FGD4: variants seen among roughly 807,000 people sequenced by gnomAD.
FGD4 encodes the protein FYVE, RhoGEF and PH domain-containing protein 4.
Under a neutral mutation model 102.0 loss-of-function variants are expected in FGD4, and 42 were observed. The ratio of observed to expected loss-of-function variants is 0.41; its 90% CI spans 0.32 to 0.53. FGD4 has a LOEUF of 0.53. FGD4 is among the 20% of genes least tolerant of loss of function. The probability of loss-of-function intolerance (pLI) is 0.21; values close to 1 mark genes in which losing one functional copy is unlikely to be tolerated. For synonymous variants in FGD4, 380 were observed against 375.7 expected (o/e 1.01, Z -0.13); for missense variants, 902 against 1,078.2 (o/e 0.84, Z 2.29).
chr12:32,433,089 C>T lies in FGD4; in HGVS notation c.166+33130C>T, dbSNP rs146105618. Among the ~76,000 whole-genome samples, 525 of 152,088 alleles carry T rather than the reference C, an allele frequency of 3.5e-3. 8 individuals carry two copies. Among genetic ancestry groups the T allele is most frequent in the African/African-American group, 0.012 (490 of 41,482 alleles). On this transcript the variant is annotated intron_variant, in intron 1 of 16. Coordinates refer to ENST00000534526, the MANE Select transcript of FGD4 (RefSeq NM_001370298.3). ...TTACCTCACTGCAACCTCCACCTCCCTGGTTCAAGCAATTCTCATGCCTCA... is the reference window on the plus strand; with the variant it reads ...TTACCTCACTGCAACCTCCACCTCCTTGGTTCAAGCAATTCTCATGCCTCA...
chr12:32,449,954 A>T (rs921908560), intron 1 of FGD4, among the ~76,000 whole-genome samples: 1 of 151,190 alleles, frequency 6.6e-6, no homozygotes, highest in African/African-American at 2.4e-5. Flanking sequence ...TTTTTTTGAG[A>T]TGGAGTCTTG....
intron 1 of FGD4, among the ~76,000 whole-genome samples, chr12:32,491,151 C>CAAA (rs879482771): frequency 7.7e-6 from 1 of 129,428 alleles, no homozygotes; most frequent in Non-Finnish European, 1.6e-5. Flanking sequence ...AAAAAAAAAA[C>CAAA]AAAAAACTAT....
At chr12:32,422,134 A>G (rs1220743167) in intron 1 of FGD4, among the ~76,000 whole-genome samples, 1 of 143,566 alleles carries the variant, frequency 7.0e-6, no homozygotes, top group Non-Finnish European at 1.5e-5. Context: ...ACAGAATGAG[A>G]CTCTGTCTCA....
chr12:32,439,191 C>T (rs2088806), intron 1 of FGD4, among the ~76,000 whole-genome samples: 60,327 of 152,046 alleles, frequency 0.4, 12,596 homozygotes, highest in African/African-American at 0.51. Flanking sequence ...TTAACTTTTA[C>T]AGATTCCACA....
intron 1 of FGD4, among the ~76,000 whole-genome samples, chr12:32,443,349 T>C (rs1186910009): frequency 1.3e-5 from 2 of 152,006 alleles, no homozygotes; most frequent in African/African-American, 4.8e-5. Context: ...CCTGGTTTTT[T>C]TGGTTTATTG....
intron 11 of FGD4, among the ~76,000 whole-genome samples, chr12:32,620,214 T>C (rs1949724458): frequency 6.6e-6 from 1 of 152,236 alleles, no homozygotes; most frequent in Non-Finnish European, 1.5e-5. Flanking sequence ...CTCCTTTTGG[T>C]CCACAAATGT....
At chr12:32,420,116 A>AG (rs774430382) in intron 1 of FGD4, among the ~76,000 whole-genome samples, 4 of 152,060 alleles carry the variant, frequency 2.6e-5, no homozygotes, top group Non-Finnish European at 4.4e-5. Flanking sequence ...CCTGGGGGTG[A>AG]GGGGGGTGAC....
chr12:32,640,709 C>T lies in FGD4; in HGVS notation c.*176C>T. On this transcript the variant is annotated 3_prime_UTR_variant, in exon 17 of 17. Coordinates refer to ENST00000534526, the MANE Select transcript of FGD4 (RefSeq NM_001370298.3). ...TCTTAGTGAAATTAGTGTGCAGAGT[C>T]ATTCTACCGATAAAGTTTTGAAATA... The T allele has an allele frequency of 1.2e-6, 1 of 851,870 alleles. No individual in the cohort carries two copies. The highest frequency in any genetic ancestry group is 1.8e-6 in the Non-Finnish European group (1 of 558,066). The allele number at this position is 851,870 out of a possible 1,614,324, so 52.8% of individuals were successfully genotyped here.
intron 1 of FGD4, among the ~76,000 whole-genome samples, chr12:32,513,323 G>A (rs939820925): frequency 1.9e-4 from 29 of 152,208 alleles, no homozygotes. Flanking sequence ...TTTAACTAGA[G>A]TGTTGGGATT....
chr12:32,423,591 C>CAAAAAAA (rs35872227), intron 1 of FGD4, among the ~76,000 whole-genome samples: 2 of 72,890 alleles, frequency 2.7e-5, no homozygotes, highest in Admixed American at 1.4e-4. Flanking sequence ...GACTTCATCT[C>CAAAAAAA]AAAAAAAAAA....
chr12:32,519,161 C>G (rs1474414127), intron 1 of FGD4, among the ~76,000 whole-genome samples: 1 of 150,976 alleles, frequency 6.6e-6, no homozygotes, highest in Non-Finnish European at 1.5e-5. Context: ...ACCGCCGCCC[C>G]CACCATGTGC....
chr12:32,638,767 T>C lies in FGD4; in HGVS notation c.2426T>C (p.Leu809Pro). ...TGTGTGATCCCCAAGCAAGACCCTC[T>C]TGTGCTGTACATGTATGGTGCCCCC... ...AWCVIPKQDP[L>P]VLYMYGAPQD... Residue 809 changes from leucine to proline, a missense_variant, in exon 16 of 17, where the codon CTT (leucine) becomes CCT (proline). Coordinates refer to ENST00000534526, the MANE Select transcript of FGD4 (RefSeq NM_001370298.3). 3 of 1,614,200 alleles carry C rather than the reference T, an allele frequency of 1.9e-6. No homozygotes were observed. The highest frequency in any genetic ancestry group is 2.5e-6 in the Non-Finnish European group (3 of 1,180,026).
chr12:32,445,198 G>A (rs933989788), intron 1 of FGD4, among the ~76,000 whole-genome samples: 5 of 152,196 alleles, frequency 3.3e-5, no homozygotes, highest in African/African-American at 1.2e-4. Flanking sequence ...AGAAGTAGGT[G>A]CCTAGTAAAG....
At chr12:32,613,492 C>G (rs1285695043) in intron 10 of FGD4, among the ~76,000 whole-genome samples, 1 of 152,122 alleles carries the variant, frequency 6.6e-6, no homozygotes, top group Non-Finnish European at 1.5e-5. Context: ...GTGGCTCATA[C>G]CTCTAATACC....
chr12:32,483,487 AT>A (rs758530527), intron 1 of FGD4, among the ~76,000 whole-genome samples: 54 of 152,314 alleles, frequency 3.5e-4, no homozygotes, highest in Non-Finnish European at 7.3e-4. Context: ...AATATTCCAT[AT>A]AACTTTTCTT....
At chr12:32,479,341 T>C (rs1943661760) in intron 1 of FGD4, among the ~76,000 whole-genome samples, 1 of 152,094 alleles carries the variant, frequency 6.6e-6, no homozygotes, top group Admixed American at 6.6e-5. Context: ...ATAACTAAAG[T>C]TTTGTAAAAC....
At position 32,640,156 on chromosome 12, in the gene FGD4, A is replaced by G. The variant is rs1951083343; in HGVS notation, c.2455-120A>G. 5.4e-6 allele frequency: 8 copies of G among 1,478,678 alleles called. No homozygotes were observed. The Admixed American group carries it at 1.2e-4, about 22-fold the overall frequency. 91.6% of individuals were successfully genotyped at this position (1,478,678 alleles called of 1,614,324 possible). On this transcript the variant is annotated intron_variant, in intron 16 of 16. Transcript: ENST00000534526. ...ATGGGATTGCCCTCTGTGCCCATGGAGAACTCACCGTTTAAGTCTGTTTGG... is the reference window on the plus strand; with the variant it reads ...ATGGGATTGCCCTCTGTGCCCATGGGGAACTCACCGTTTAAGTCTGTTTGG...
At chr12:32,429,083 T>C (rs1196127178) in intron 1 of FGD4, among the ~76,000 whole-genome samples, 8 of 152,206 alleles carry the variant, frequency 5.3e-5, no homozygotes. Flanking sequence ...TGAGGAGTTG[T>C]GATCCTTCAG....
At chr12:32,623,225 A>G (rs2136921316) in intron 11 of FGD4, among the ~76,000 whole-genome samples, 1 of 152,220 alleles carries the variant, frequency 6.6e-6, no homozygotes, top group East Asian at 1.9e-4. Flanking sequence ...AAACTAAAAC[A>G]AAAAGCTATA....
Sources: allele counts gnomAD v4.1 joint callset (sites outside exome capture counted in the v4.1 genomes callset), GRCh38; gene constraint gnomAD v4.1.1; transcripts MANE v1.5; gene names NCBI Gene and HGNC (gene_info 2026-07-23, HGNC 2026-07-21).